The following FUT9 variants were observed in gnomAD, a reference collection of about 807,000 sequenced individuals.
FUT9 encodes fucosyltransferase 9.
A neutral mutation model predicts 29.7 loss-of-function variants in FUT9; 15 were observed. The observed-to-expected ratio is 0.51, with a 90% CI of 0.34 to 0.78. FUT9 has a LOEUF of 0.78. FUT9 is among the 30% of genes least tolerant of loss of function. FUT9 has a pLI of 0.01. For missense variants in FUT9, 319 were observed against 425.4 expected (o/e 0.75, Z 2.20); for synonymous variants, 169 against 153.7 (o/e 1.10, Z -0.74).
chr6:96,054,789 G>GA (rs1677185608), intron 1 of FUT9, among the ~76,000 whole-genome samples: 2 of 151,956 alleles, frequency 1.3e-5, no homozygotes, highest in Admixed American at 6.5e-5. Context: ...GAAAGAGCGA[G>GA]AAAAAAATAG....
chr6:96,179,764 AT>A (rs1166836477), intron 2 of FUT9, among the ~76,000 whole-genome samples: 5 of 151,626 alleles, frequency 3.3e-5, no homozygotes, highest in Admixed American at 2.0e-4. Flanking sequence ...CTGAAAAAAA[AT>A]ATGTTTTCAG....
chr6:96,140,229 C>A (rs4555923), intron 2 of FUT9, among the ~76,000 whole-genome samples: 26,468 of 152,158 alleles, frequency 0.17, 2,694 homozygotes, highest in East Asian at 0.31. Context: ...GACACCACCG[C>A]AGCCTGGACT....
chr6:96,109,161 G>A (rs1771750772), intron 1 of FUT9, among the ~76,000 whole-genome samples: 1 of 152,094 alleles, frequency 6.6e-6, no homozygotes. Flanking sequence ...AAAATTCAAT[G>A]TCCTTTAATG....
At chr6:96,051,723 A>G (rs1398736019) in intron 1 of FUT9, among the ~76,000 whole-genome samples, 1 of 152,014 alleles carries the variant, frequency 6.6e-6, no homozygotes, top group Non-Finnish European at 1.5e-5. Context: ...TTGCAAATCA[A>G]TATTATATAT....
chr6:96,161,522 G>A (rs11156252), intron 2 of FUT9, among the ~76,000 whole-genome samples: 22,141 of 152,158 alleles, frequency 0.15, 1,791 homozygotes, highest in Non-Finnish European at 0.18. Context: ...GATATAGGTA[G>A]AGACAGATAG....
intron 1 of FUT9, among the ~76,000 whole-genome samples, chr6:96,025,554 C>T (rs571138805): frequency 2.6e-5 from 4 of 151,696 alleles, no homozygotes; most frequent in African/African-American, 9.7e-5. Context: ...AGTTATGTTT[C>T]TGTGTAAATA....
chr6:96,051,206 A>T (rs1770663637), intron 1 of FUT9, among the ~76,000 whole-genome samples: 1 of 152,170 alleles, frequency 6.6e-6, no homozygotes, highest in Non-Finnish European at 1.5e-5. Context: ...TAATTTACAT[A>T]CCTGGCCTTT....
intron 1 of FUT9, among the ~76,000 whole-genome samples, chr6:96,052,406 T>A (rs1427811717): frequency 6.6e-6 from 1 of 152,240 alleles, no homozygotes; most frequent in Non-Finnish European, 1.5e-5. Flanking sequence ...ATATTTATTC[T>A]CTGCTGAGTT....
At chr6:96,104,068 C>T (rs1771635484) in intron 1 of FUT9, among the ~76,000 whole-genome samples, 1 of 152,120 alleles carries the variant, frequency 6.6e-6, no homozygotes. Context: ...ACATAAAAGT[C>T]AGAATAACAC....
intron 1 of FUT9, among the ~76,000 whole-genome samples, chr6:96,043,212 C>T (rs1011106403): frequency 9.2e-5 from 14 of 152,176 alleles, no homozygotes; most frequent in African/African-American, 2.4e-4. Flanking sequence ...CCACCACGCC[C>T]GGCTAATTTT....
chr6:96,063,662 T>G (rs770841852), intron 1 of FUT9, among the ~76,000 whole-genome samples: 31 of 152,088 alleles, frequency 2.0e-4, no homozygotes, highest in Admixed American at 4.6e-4. Flanking sequence ...GCTTCACTGT[T>G]TTGTGAGATA....
At chr6:96,122,324 G>C (rs746317681) in intron 2 of FUT9, among the ~76,000 whole-genome samples, 1 of 152,164 alleles carries the variant, frequency 6.6e-6, no homozygotes, top group Middle Eastern at 3.4e-3. Context: ...AAATCTTATG[G>C]GGCATTGGAA....
chr6:96,028,595 A>T (rs527783357), intron 1 of FUT9, among the ~76,000 whole-genome samples: 21 of 151,754 alleles, frequency 1.4e-4, no homozygotes, highest in Non-Finnish European at 2.1e-4. Context: ...TTCTAATTCA[A>T]TAAATGTTAC....
At chr6:96,089,328 A>C (rs922695188) in intron 1 of FUT9, among the ~76,000 whole-genome samples, 1 of 152,182 alleles carries the variant, frequency 6.6e-6, no homozygotes, top group East Asian at 1.9e-4. Flanking sequence ...AGTTCCTAAC[A>C]TTTGTCTTCT....
intron 1 of FUT9, among the ~76,000 whole-genome samples, chr6:96,024,107 C>G (rs1479785031): frequency 1.3e-5 from 2 of 151,890 alleles, no homozygotes; most frequent in Non-Finnish European, 2.9e-5. Flanking sequence ...GCCTTTCTCA[C>G]TGTGAACACT....
chr6:96,111,404 A>G (rs1457097883), intron 1 of FUT9, among the ~76,000 whole-genome samples: 1 of 152,152 alleles, frequency 6.6e-6, no homozygotes, highest in Non-Finnish European at 1.5e-5. Flanking sequence ...TACATAATAG[A>G]AAAAGGGAGA....
chr6:96,199,515 G>A (rs571876308), intron 2 of FUT9, among the ~76,000 whole-genome samples: 13 of 152,168 alleles, frequency 8.5e-5, no homozygotes, highest in African/African-American at 1.7e-4. Flanking sequence ...AAGAAACGTC[G>A]TTTCTGTCTA....
chr6:96,072,143 A>G (rs544496451), intron 1 of FUT9, among the ~76,000 whole-genome samples: 16 of 152,316 alleles, frequency 1.1e-4, no homozygotes, highest in Non-Finnish European at 2.2e-4. Context: ...TTAATGAGAA[A>G]CTAGGGGTTT....
chr6:96,110,434 A>G (rs9390861), intron 1 of FUT9, among the ~76,000 whole-genome samples: 138,796 of 152,138 alleles, frequency 0.91, 64,348 homozygotes, highest in East Asian at 1. Context: ...CTTGGGATCC[A>G]CATGTTAGCT....
Sources: allele counts gnomAD v4.1 joint callset (sites outside exome capture counted in the v4.1 genomes callset), GRCh38; gene constraint gnomAD v4.1.1; transcripts MANE v1.5; gene names NCBI Gene and HGNC (gene_info 2026-07-23, HGNC 2026-07-21).